Variants in MICU3 observed in about 807,000 individuals in gnomAD.
MICU3 encodes the protein calcium uptake protein 3, mitochondrial.
MICU3 carries 62 observed loss-of-function variants against 66.5 expected under a neutral mutation model. The observed-to-expected ratio is 0.93, with a 90% CI of 0.76 to 1.15. MICU3 has a LOEUF of 1.15. Ranked by LOEUF, MICU3 falls within the 50% of genes most tolerant of loss-of-function variation. MICU3 has a pLI of 0.00. For synonymous variants in MICU3, 308 were observed against 240.7 expected, an observed-to-expected ratio of 1.28 and a Z score of -2.59; for missense variants, 779 against 664.4, an observed-to-expected ratio of 1.17 and a Z score of -1.90.
intron 1 of MICU3, among the ~76,000 whole-genome samples, chr8:17,029,026 C>T (rs936206462): frequency 2.0e-5 from 3 of 152,216 alleles, no homozygotes; most frequent in Admixed American, 2.0e-4. Flanking sequence ...GGCTCCACGA[C>T]TTGCTACTTG....
At chr8:17,054,979 C>T (rs536155510) in intron 1 of MICU3, among the ~76,000 whole-genome samples, 236 of 152,104 alleles carry the variant, frequency 1.6e-3, no homozygotes, top group African/African-American at 5.2e-3. Flanking sequence ...CCCCGTGATC[C>T]GCCTGCCTCA....
chr8:17,136,341 G>GT, the MICU3 span, among the ~76,000 whole-genome samples: 4 of 152,070 alleles, frequency 2.6e-5, no homozygotes, highest in Non-Finnish European at 5.9e-5. Context: ...AAGCGATGTT[G>GT]TTTGCTTATA....
intron 5 of MICU3, among the ~76,000 whole-genome samples, chr8:17,083,494 G>T (rs3850759): frequency 1.3e-5 from 2 of 152,010 alleles, no homozygotes; most frequent in Non-Finnish European, 2.9e-5. Context: ...TATAAACTAA[G>T]TTCCTCCCAA....
chr8:17,031,203 G>T (rs891552332), intron 1 of MICU3, among the ~76,000 whole-genome samples: 5 of 151,660 alleles, frequency 3.3e-5, no homozygotes, highest in African/African-American at 4.8e-5. Context: ...AGGGGACAGA[G>T]CATGACTTGG....
rs1161906568 is a variant in MICU3 at position 17,121,622 on chromosome 8, A to G, written c.*1335A>G. On this transcript the variant is annotated 3_prime_UTR_variant, in exon 15 of 15. Transcript: ENST00000318063. ...TCCAACTATTACTTTGCTTTTGCAT[A>G]TGAAACTAGAAAACACTGACTTTGT... 6.6e-6 allele frequency: 1 copy of G among 152,306 alleles called. No homozygotes were observed. The highest frequency in any genetic ancestry group is 1.5e-5 in the Non-Finnish European group (1 of 67,750). The allele number at this position is 152,306 out of a possible 1,614,324, so 9.4% of individuals were successfully genotyped here.
intron 1 of MICU3, among the ~76,000 whole-genome samples, chr8:17,054,727 T>C (rs1047068388): frequency 1.4e-5 from 2 of 139,498 alleles, no homozygotes; most frequent in African/African-American, 2.9e-5. Context: ...TCTTTTTCTT[T>C]TTCTTTCTTT....
At chr8:17,093,483 G>A (rs1800305591) in intron 8 of MICU3, among the ~76,000 whole-genome samples, 1 of 151,830 alleles carries the variant, frequency 6.6e-6, no homozygotes, top group South Asian at 2.1e-4. Flanking sequence ...AATATATACA[G>A]ATGTATATTA....
downstream of MICU3, among the ~76,000 whole-genome samples, chr8:17,123,657 C>T (rs1232617686): frequency 6.6e-6 from 1 of 152,000 alleles, no homozygotes; most frequent in Non-Finnish European, 1.5e-5. Context: ...CACAGTTTTA[C>T]TTGTGGGACT....
chr8:17,058,555 T>C (rs369900393), intron 1 of MICU3, among the ~76,000 whole-genome samples: 3 of 152,208 alleles, frequency 2.0e-5, no homozygotes, highest in Admixed American at 6.5e-5. Context: ...TGAATGTTTA[T>C]AATTGTGATG....
In MICU3 at chr8:17,043,814, C is replaced by G. The variant is rs576705002; in HGVS notation, c.381+16154C>G. Among the ~76,000 whole-genome samples the G allele has an allele frequency of 7.2e-5, 11 of 152,246 alleles. No homozygotes were observed. The South Asian group carries it at 1.7e-3, about 23-fold the overall frequency. ...CAAGTCTTTTATAATATGAACTTAA[C>G]AAATCAAAGTCAAGACGTCCTATTT... is the stretch of plus-strand genomic sequence containing the variant. On this transcript the variant is annotated intron_variant, in intron 1 of 14. Transcript: ENST00000318063.
At chr8:17,071,776 G>A (rs1319751029) in intron 3 of MICU3, among the ~76,000 whole-genome samples, 1 of 151,990 alleles carries the variant, frequency 6.6e-6, no homozygotes, top group Admixed American at 6.6e-5. Context: ...CCACACCAGC[G>A]AGAGCAATTA....
chr8:17,085,359 T>TAAGTAAGCAATATTTAA, intron 6 of MICU3, 41 bp downstream of exon 6: 1 of 1,268,918 alleles, frequency 7.9e-7, no homozygotes, highest in Non-Finnish European at 1.1e-6. Context: ...TAATTAAATA[T>TAAGTAAGCAATATTTAA]TGCTTACTTA....
chr8:17,101,538 T>C (rs780167585), intron 9 of MICU3, among the ~76,000 whole-genome samples: 15 of 151,886 alleles, frequency 9.9e-5, no homozygotes, highest in Non-Finnish European at 1.6e-4. Context: ...TGAAAGACTG[T>C]TAAGTGAAGA....
intron 9 of MICU3, among the ~76,000 whole-genome samples, chr8:17,098,847 A>G (rs1421317486): frequency 1.3e-5 from 2 of 151,758 alleles, no homozygotes; most frequent in Non-Finnish European, 3.0e-5. Context: ...ACCATGTTAC[A>G]TGAAATGCTG....
intron 3 of MICU3, among the ~76,000 whole-genome samples, chr8:17,071,031 C>T (rs1304932525): frequency 2.0e-5 from 3 of 152,244 alleles, no homozygotes; most frequent in South Asian, 4.1e-4. Context: ...CAACTTAAAA[C>T]TTAGGAATTG....
rs913286721 is a variant in MICU3 at position 17,113,015 on chromosome 8, G to T, written c.1258-1078G>T. Among the ~76,000 whole-genome samples, 39 of 152,326 alleles carry T rather than the reference G, an allele frequency of 2.6e-4. 1 individual carries two copies. The highest frequency in any genetic ancestry group is 1.8e-3 in the Admixed American group (27 of 15,302). ...TCATAAATGATCAATGTAAGGAAAG[G>T]AAAGTAAACAATGTGAGGAGAAAAG... is the stretch of plus-strand genomic sequence containing the variant. On this transcript the variant is annotated intron_variant, in intron 11 of 14. Coordinates refer to ENST00000318063, the MANE Select transcript of MICU3 (RefSeq NM_181723.3).
chr8:17,098,533 C>G lies in MICU3; in HGVS notation c.964C>G (p.Leu322Val). The change falls in exon 9 of 15, where the codon CTG (leucine) becomes GTG (valine). Residue 322 changes from leucine (L) to valine (V), a missense_variant. Leu to Val is a conservative substitution (Grantham distance 32). Transcript: ENST00000318063. ...ACTGAGACGTAACACAAGCCAAGCA[C>G]TGTTTTCAGACCTCGCAGAGGTATA... is the stretch of plus-strand genomic sequence containing the variant. ...DTLRRNTSQALFSDLAERADD... is the reference protein window; with the variant it reads ...DTLRRNTSQAVFSDLAERADD... 4.3e-6 allele frequency: 7 copies of G among 1,610,472 alleles called. No individual in the cohort carries two copies. Among genetic ancestry groups the G allele is most frequent in the Non-Finnish European group, 5.9e-6 (7 of 1,177,218 alleles).
chr8:17,064,312 A>G (rs1222384563), intron 2 of MICU3, 75 bp downstream of exon 2: 22 of 1,206,946 alleles, frequency 1.8e-5, no homozygotes, highest in Middle Eastern at 2.2e-4. Context: ...ATGGAGCAGT[A>G]TAAGTTTTTT....
intron 6 of MICU3, among the ~76,000 whole-genome samples, chr8:17,086,040 A>T (rs1295682147): frequency 6.6e-6 from 1 of 152,050 alleles, no homozygotes; most frequent in Non-Finnish European, 1.5e-5. Context: ...TGCTTTTAGC[A>T]TATATATTAC....
Sources: gnomAD v4.1 joint callset for allele counts (sites outside exome capture counted in the v4.1 genomes callset) on GRCh38, gnomAD v4.1.1 for gene constraint, MANE v1.5 for transcripts, NCBI Gene and HGNC (gene_info 2026-07-23, HGNC 2026-07-21) for gene names.